Variants in ZNRF3 observed in about 807,000 individuals in gnomAD.
The protein encoded by ZNRF3 is zinc and ring finger 3.
Under a neutral mutation model 72.5 loss-of-function variants are expected in ZNRF3, and 23 were observed. The ratio of observed to expected loss-of-function variants is 0.32; its 90% CI spans 0.23 to 0.45. The LOEUF is 0.45. ZNRF3 is among the 20% of genes least tolerant of loss of function. The pLI, the probability that ZNRF3 is intolerant of heterozygous loss-of-function variation, is 1.00. For synonymous variants in ZNRF3, 610 were observed against 545.3 expected (o/e 1.12, Z -1.65); for missense variants, 1,169 against 1,272.1 (o/e 0.92, Z 1.23).
chr22:29,049,229 G>A lies in ZNRF3; in HGVS notation c.1048G>A (p.Glu350Lys). Reference protein sequence around the residue: ...QKGNPSAVCVETSNLSRGRQQ... With the variant: ...QKGNPSAVCVKTSNLSRGRQQ... ...GGGAAACCCAAGCGCGGTGTGTGTG[G>A]AGACCAGCAACCTCTCACGTGGTCG... Residue 350 changes from glutamate (E) to lysine (K), a missense_variant, in exon 8 of 9, where the codon GAG becomes AAG. Glu to Lys is a moderately conservative substitution (Grantham distance 56). Around this residue, in one of 2 missense-constraint regions of ZNRF3, gnomAD observed 386 missense variants for 540.7 expected, o/e 0.71. Coordinates refer to ENST00000544604, the MANE Select transcript of ZNRF3 (RefSeq NM_001206998.2). This position sits in a 1 kb window ranked among gnomAD's most constrained non-coding sequence, Gnocchi z 5.2. 1 of 1,611,020 alleles carries A rather than the reference G, an allele frequency of 6.2e-7. No individual in the cohort carries two copies. The highest frequency in any genetic ancestry group is 8.5e-7 in the Non-Finnish European group (1 of 1,178,316).
At chr22:28,926,797 C>CAAAAA (rs747908278) in intron 1 of ZNRF3, among the ~76,000 whole-genome samples, 2 of 77,490 alleles carry the variant, frequency 2.6e-5, no homozygotes. Context: ...AACTCCATCT[C>CAAAAA]AAAAAAAAAA....
At chr22:28,949,448 T>A (rs958964105) in intron 1 of ZNRF3, among the ~76,000 whole-genome samples, 2 of 152,038 alleles carry the variant, frequency 1.3e-5, no homozygotes, top group Non-Finnish European at 2.9e-5. Context: ...TATATTTTTT[T>A]ATTTTTTTTT....
At chr22:28,885,395 T>C (rs948683628) in intron 1 of ZNRF3, among the ~76,000 whole-genome samples, 2 of 152,186 alleles carry the variant, frequency 1.3e-5, no homozygotes, top group Admixed American at 6.5e-5. Flanking sequence ...AACTCCTTCA[T>C]TGAGCCCTTT....
chr22:29,050,671 C>T lies in ZNRF3; in HGVS notation c.2490C>T (p.Pro830=), dbSNP rs1036093586. 1.8e-5 allele frequency: 29 copies of T among 1,612,406 alleles called. No homozygotes were observed. Among genetic ancestry groups the T allele is most frequent in the Non-Finnish European group, 2.2e-5 (26 of 1,179,642 alleles). Residue 830 remains proline, a synonymous_variant, in exon 8 of 9, where the codon CCC becomes CCT. Transcript: ENST00000544604. The part of the protein sequence containing the change: ...PGARDLSQRI[P]IIPEDVDCDL... ...CCCGGGACCTGAGCCAGCGCATCCC[C>T]ATCATTCCAGAGGATGTGGACTGTG... is the stretch of plus-strand genomic sequence containing the variant.
intron 1 of ZNRF3, among the ~76,000 whole-genome samples, chr22:28,975,965 A>G (rs1001552320): frequency 1.3e-5 from 2 of 152,166 alleles, no homozygotes; most frequent in African/African-American, 2.4e-5. Flanking sequence ...AAGATGGATG[A>G]TGATTCTGTT....
chr22:29,033,598 T>C (rs2036807247), intron 2 of ZNRF3, among the ~76,000 whole-genome samples: 1 of 152,100 alleles, frequency 6.6e-6, no homozygotes, highest in Non-Finnish European at 1.5e-5. Context: ...GAGAATGTTG[T>C]TGGGACTTGT....
At chr22:28,976,851 A>C (rs986003369) in intron 1 of ZNRF3, among the ~76,000 whole-genome samples, 4 of 152,210 alleles carry the variant, frequency 2.6e-5, no homozygotes, top group Non-Finnish European at 5.9e-5. Flanking sequence ...ATACTTAAAA[A>C]AAAATTTAAC....
chr22:29,010,190 T>C (rs145410012), intron 2 of ZNRF3, among the ~76,000 whole-genome samples: 5,915 of 152,082 alleles, frequency 0.039, 212 homozygotes, highest in East Asian at 0.098. Flanking sequence ...ATTACAGACA[T>C]GAGCCACCGC....
intron 1 of ZNRF3, among the ~76,000 whole-genome samples, chr22:28,936,189 G>A (rs944286616): frequency 6.6e-6 from 1 of 152,014 alleles, no homozygotes; most frequent in East Asian, 1.9e-4. Context: ...TCAGCCATAG[G>A]TCCCTGATCA....
chr22:29,042,441 T>G, intron 2 of ZNRF3, 54 bp from the exon 3 acceptor site: 1 of 1,556,626 alleles, frequency 6.4e-7, no homozygotes. Context: ...AAGGCCAACT[T>G]TGAAAAGGTA....
At chr22:29,001,416 G>T (rs2036143893) in intron 2 of ZNRF3, among the ~76,000 whole-genome samples, 1 of 150,750 alleles carries the variant, frequency 6.6e-6, no homozygotes, top group Non-Finnish European at 1.5e-5. Context: ...CTCCCATTCT[G>T]TGGGATATCT....
rs764540235 is a variant in ZNRF3, at chr22:29,043,427, T to A, written c.630T>A (p.Pro210=). 1.2e-6 allele frequency: 2 copies of A among 1,613,272 alleles called. No individual in the cohort carries two copies. The highest frequency in any genetic ancestry group is 1.7e-6 in the Non-Finnish European group (2 of 1,179,956). The change falls in exon 4 of 9, where the codon CCT becomes CCA. Residue 210 remains proline, a synonymous_variant. Transcript: ENST00000544604. The part of the protein sequence containing the change: ...VARARIQHRP[P]RQPTEYFDMG... ...GAGCAAGGATCCAGCACCGCCCTCC[T>A]CGAGTGAGCCTCCGCACCATTTGGC...
At chr22:28,970,209 G>T (rs980044484) in intron 1 of ZNRF3, among the ~76,000 whole-genome samples, 1 of 152,200 alleles carries the variant, frequency 6.6e-6, no homozygotes, top group Non-Finnish European at 1.5e-5. Context: ...GCAGGTAAAA[G>T]ATTTGAATAG....
chr22:28,885,930 C>CAAAAAAA (rs5844826), intron 1 of ZNRF3, among the ~76,000 whole-genome samples: 1 of 126,536 alleles, frequency 7.9e-6, no homozygotes. Flanking sequence ...TTAGCCTAGC[C>CAAAAAAA]AAAAAAAAAA....
chr22:28,890,600 C>T (rs1179742918), intron 1 of ZNRF3, among the ~76,000 whole-genome samples: 2 of 151,972 alleles, frequency 1.3e-5, no homozygotes, highest in Non-Finnish European at 2.9e-5. Context: ...CCTGATGAAA[C>T]TGAGTATTGA....
At chr22:28,924,128 T>A (rs924177785) in intron 1 of ZNRF3, among the ~76,000 whole-genome samples, 1 of 152,226 alleles carries the variant, frequency 6.6e-6, no homozygotes, top group Non-Finnish European at 1.5e-5. Flanking sequence ...AGGTTCTTTT[T>A]TTAAATTTAA....
intron 1 of ZNRF3, among the ~76,000 whole-genome samples, chr22:28,948,179 A>T (rs5762909): frequency 0.027 from 4,145 of 151,330 alleles, 121 homozygotes; most frequent in African/African-American, 0.059. Flanking sequence ...AAATTTTTTT[A>T]AAAAAGATGT....
chr22:28,928,986 C>T (rs888639985), intron 1 of ZNRF3, among the ~76,000 whole-genome samples: 18 of 152,204 alleles, frequency 1.2e-4, no homozygotes, highest in Admixed American at 6.5e-4. Flanking sequence ...TCTTTTTCAT[C>T]TCTCTGTTCT....
intron 1 of ZNRF3, among the ~76,000 whole-genome samples, chr22:28,885,588 TCTA>T (rs1407075311): frequency 4.7e-5 from 6 of 128,284 alleles, no homozygotes; most frequent in South Asian, 2.5e-4. Context: ...TTTACAGCCT[TCTA>T]AAAAAAAAAA....
Sources: allele counts gnomAD v4.1 joint callset (sites outside exome capture counted in the v4.1 genomes callset), GRCh38; gene constraint gnomAD v4.1.1; regional missense constraint gnomAD v4.1.1; non-coding constraint Gnocchi (gnomAD v3.1); transcripts MANE v1.5; gene names NCBI Gene and HGNC (gene_info 2026-07-23, HGNC 2026-07-21).